CADPS2: variants seen among roughly 807,000 people sequenced by gnomAD.
The protein encoded by CADPS2 is calcium-dependent secretion activator 2.
Under a neutral mutation model 172.5 loss-of-function variants are expected in CADPS2, and 93 were observed. The ratio of observed to expected loss-of-function variants is 0.54; its 90% confidence interval spans 0.46 to 0.64. The LOEUF is 0.64. Ranked by LOEUF, CADPS2 falls within the 30% of genes least tolerant of loss-of-function variation. The probability of loss-of-function intolerance (pLI) is 0.00; values close to 1 mark genes in which losing one functional copy is unlikely to be tolerated. For synonymous variants in CADPS2, 546 were observed against 555.2 expected (o/e 0.98, Z 0.23); for missense variants, 1,420 against 1,565.9 (o/e 0.91, Z 1.57).
intron 2 of CADPS2, among the ~76,000 whole-genome samples, chr7:122,734,632 G>A (rs915698545): frequency 6.6e-6 from 1 of 151,736 alleles, no homozygotes; most frequent in African/African-American, 2.4e-5. Flanking sequence ...ATGATCACAG[G>A]AAAATATGCA....
intron 1 of CADPS2, among the ~76,000 whole-genome samples, chr7:122,804,780 G>A (rs1798428026): frequency 6.6e-6 from 1 of 152,076 alleles, no homozygotes; most frequent in African/African-American, 2.4e-5. Context: ...CCTATGTCTT[G>A]CCTTGAAGTC....
intron 8 of CADPS2, among the ~76,000 whole-genome samples, chr7:122,532,490 C>T (rs1052175150): frequency 1.3e-5 from 2 of 152,118 alleles, no homozygotes; most frequent in Non-Finnish European, 2.9e-5. Flanking sequence ...CTTACATGGA[C>T]AGCTTGTGAA....
At chr7:122,705,157 A>C (rs1255510903) in intron 2 of CADPS2, among the ~76,000 whole-genome samples, 1 of 151,882 alleles carries the variant, frequency 6.6e-6, no homozygotes, top group Non-Finnish European at 1.5e-5. Context: ...AACAGGAGAG[A>C]TCTGTACAAG....
intron 1 of CADPS2, among the ~76,000 whole-genome samples, chr7:122,757,977 GATA>G (rs2093234794): frequency 6.6e-6 from 1 of 151,890 alleles, no homozygotes. Flanking sequence ...ATTTTTCCAA[GATA>G]ATGATGCTTT....
rs529023999 is a variant in CADPS2 at position 122,578,751 on chromosome 7, T to C, written c.1335+2428A>G. Among the ~76,000 whole-genome samples, 3 of 152,234 alleles carry C rather than the reference T, an allele frequency of 2.0e-5. No homozygotes were observed. The East Asian group carries it at 5.8e-4, about 29-fold the overall frequency. On this transcript the variant is annotated intron_variant, in intron 7 of 29. Transcript: ENST00000449022. Reference sequence around the variant, plus strand: ...TTTAAATAGATCATAGTGACTGAGGTATGAAGGTCAAATCAGAGAGAACAA... The same window carrying C: ...TTTAAATAGATCATAGTGACTGAGGCATGAAGGTCAAATCAGAGAGAACAA...
intron 3 of CADPS2, among the ~76,000 whole-genome samples, chr7:122,645,365 ATGTATACACACATATGTACATGTGTGT>A (rs2078259912): frequency 1.4e-5 from 1 of 70,916 alleles, no homozygotes; most frequent in Non-Finnish European, 2.9e-5. Context: ...ATACATGTAC[ATGTATACACACATATGTACATGTGTGT>A]GTATATATGT....
intron 27 of CADPS2, among the ~76,000 whole-genome samples, chr7:122,359,733 T>C (rs1367287066): frequency 6.6e-6 from 1 of 152,162 alleles, no homozygotes; most frequent in Non-Finnish European, 1.5e-5. Flanking sequence ...ATTCCTTGAT[T>C]CTAGGTACAG....
At chr7:122,754,555 C>A (rs970744642) in intron 1 of CADPS2, among the ~76,000 whole-genome samples, 2 of 152,152 alleles carry the variant, frequency 1.3e-5, no homozygotes, top group African/African-American at 2.4e-5. Context: ...CGGCTCACTG[C>A]AACGTCCGCC....
chr7:122,691,741 A>G (rs1390534504), intron 2 of CADPS2, among the ~76,000 whole-genome samples: 1 of 152,184 alleles, frequency 6.6e-6, no homozygotes, highest in Admixed American at 6.5e-5. Flanking sequence ...CAGGTCCACC[A>G]CACAGTGGCA....
intron 1 of CADPS2, among the ~76,000 whole-genome samples, chr7:122,861,578 C>T (rs955964985): frequency 6.6e-6 from 1 of 152,160 alleles, no homozygotes; most frequent in African/African-American, 2.4e-5. Flanking sequence ...CTTTGCTGTG[C>T]AGAAGCTTTT....
At chr7:122,690,002 A>T (rs1205192025) in intron 2 of CADPS2, among the ~76,000 whole-genome samples, 1 of 152,164 alleles carries the variant, frequency 6.6e-6, no homozygotes, top group East Asian at 1.9e-4. Context: ...GACAGTGTGC[A>T]GTTCTGCACA....
At chr7:122,790,885 C>T (rs755708684) in intron 1 of CADPS2, among the ~76,000 whole-genome samples, 1 of 152,150 alleles carries the variant, frequency 6.6e-6, no homozygotes, top group Non-Finnish European at 1.5e-5. Context: ...TTCCTATAGC[C>T]ACCACGTCTC....
intron 2 of CADPS2, chr7:122,698,600 G>C: frequency 6.2e-7 from 1 of 1,613,886 alleles, no homozygotes; most frequent in Non-Finnish European, 8.5e-7. Context: ...CAACCTCCCC[G>C]TTCAATAAGT....
chr7:122,772,647 A>C lies in CADPS2; in HGVS notation c.340-35579T>G, dbSNP rs116437842. 3.1e-3 allele frequency among the ~76,000 whole-genome samples: 479 copies of C among 152,270 alleles called. 2 individuals are homozygous for C. The highest frequency in any genetic ancestry group is 0.011 in the African/African-American group (463 of 41,568). Reference sequence around the variant, plus strand: ...GCAATCACAAACTAAAATACAAAAAAAAGGGCTCAAAGATTCTATATAAAG... The same window carrying C: ...GCAATCACAAACTAAAATACAAAAACAAGGGCTCAAAGATTCTATATAAAG... On this transcript the variant is annotated intron_variant, in intron 1 of 29. Coordinates refer to ENST00000449022, the MANE Select transcript of CADPS2 (RefSeq NM_017954.11).
At chr7:122,780,719 G>A (rs1463721818) in intron 1 of CADPS2, among the ~76,000 whole-genome samples, 1 of 152,060 alleles carries the variant, frequency 6.6e-6, no homozygotes, top group Non-Finnish European at 1.5e-5. Flanking sequence ...ATGCTGCCCA[G>A]CTGGTCTCTA....
intron 1 of CADPS2, among the ~76,000 whole-genome samples, chr7:122,749,149 G>C (rs1303488459): frequency 6.6e-6 from 1 of 152,036 alleles, no homozygotes; most frequent in Non-Finnish European, 1.5e-5. Flanking sequence ...CCCAGAATCA[G>C]CATCCTCCTT....
intron 7 of CADPS2, among the ~76,000 whole-genome samples, chr7:122,572,739 T>C (rs773640293): frequency 2.0e-5 from 3 of 152,146 alleles, no homozygotes; most frequent in Non-Finnish European, 2.9e-5. Flanking sequence ...AGGACAAAAT[T>C]ATCTTCATTA....
At chr7:122,562,885 T>C (rs1044452534) in intron 7 of CADPS2, among the ~76,000 whole-genome samples, 1 of 152,116 alleles carries the variant, frequency 6.6e-6, no homozygotes, top group Non-Finnish European at 1.5e-5. Context: ...AACTGAAAAA[T>C]TTTTTTAAAG....
chr7:122,875,594 C>G (rs1034134317), intron 1 of CADPS2, among the ~76,000 whole-genome samples: 2 of 152,000 alleles, frequency 1.3e-5, no homozygotes, highest in Non-Finnish European at 2.9e-5. Context: ...TGCTAAGTAC[C>G]ATAAGCAACA....
Sources: gnomAD v4.1 joint callset for allele counts (sites outside exome capture counted in the v4.1 genomes callset) on GRCh38, gnomAD v4.1.1 for gene constraint, MANE v1.5 for transcripts, NCBI Gene and HGNC (gene_info 2026-07-23, HGNC 2026-07-21) for gene names.